The following PCDHA2 variants were observed in gnomAD, a reference collection of about 807,000 sequenced individuals.
PCDHA2 encodes the protein protocadherin alpha 2, also known as protocadherin alpha-2.
A neutral mutation model predicts 66.0 loss-of-function variants in PCDHA2; 58 were observed. The ratio of observed to expected loss-of-function variants is 0.88; its 90% confidence interval spans 0.71 to 1.09. PCDHA2 has a LOEUF of 1.09. PCDHA2 is among the 50% of genes least tolerant of loss of function. PCDHA2 has a pLI of 0.00. For missense variants in PCDHA2, 1,267 were observed against 1,242.3 expected (o/e 1.02, Z -0.30); for synonymous variants, 634 against 554.0 (o/e 1.14, Z -2.03).
At chr5:140,998,156 C>T (rs782675490) in intron 3 of PCDHA2, among the ~76,000 whole-genome samples, 3 of 152,178 alleles carry the variant, frequency 2.0e-5, no homozygotes, top group Non-Finnish European at 4.4e-5. Context: ...ACAGTTAAGC[C>T]ATGTGCCAAG....
At chr5:140,946,477 T>C (rs1223421073) in intron 1 of PCDHA2, among the ~76,000 whole-genome samples, 2 of 151,720 alleles carry the variant, frequency 1.3e-5, no homozygotes, top group Non-Finnish European at 2.9e-5. Flanking sequence ...ACTGGGTATA[T>C]ATCCAAAGGA....
chr5:140,893,106 C>T (rs1226663436), intron 1 of PCDHA2, among the ~76,000 whole-genome samples: 3 of 152,170 alleles, frequency 2.0e-5, no homozygotes, highest in African/African-American at 4.8e-5. Flanking sequence ...GATAATATTC[C>T]GTTGTGCATA....
intron 1 of PCDHA2, chr5:140,801,842 T>G: frequency 6.2e-7 from 1 of 1,614,054 alleles, no homozygotes; most frequent in Non-Finnish European, 8.5e-7. Flanking sequence ...TAACAGCAAT[T>G]GATGGTGGGA....
chr5:140,870,974 G>C, intron 1 of PCDHA2: 5 of 1,613,628 alleles, frequency 3.1e-6, no homozygotes, highest in Non-Finnish European at 4.2e-6. Context: ...TTCCGCGTGG[G>C]GCTGTACACG....
At chr5:140,985,348 A>G (rs1197077354) in intron 3 of PCDHA2, among the ~76,000 whole-genome samples, 2 of 152,190 alleles carry the variant, frequency 1.3e-5, no homozygotes, top group Non-Finnish European at 2.9e-5. Context: ...AGGCCCAGAT[A>G]TAGACCCTCT....
At chr5:140,959,602 CT>C (rs1554224184) in intron 1 of PCDHA2, among the ~76,000 whole-genome samples, 1 of 152,008 alleles carries the variant, frequency 6.6e-6, no homozygotes, top group Admixed American at 6.6e-5. Flanking sequence ...GTATAACATG[CT>C]TTTCTTGCTT....
chr5:140,875,738 G>T lies in PCDHA2; in HGVS notation c.2388+78386G>T, dbSNP rs1197047985. 12 of 1,614,086 alleles carry T rather than the reference G, an allele frequency of 7.4e-6. No homozygotes were observed. The highest frequency in any genetic ancestry group is 3.3e-5 in the Admixed American group (2 of 60,008). ...AATGGCATTTTGTTTGTGAATTCTC[G>T]GATCGACCGCGAGAAGCTGTGCGGG... On this transcript the variant is annotated intron_variant, in intron 1 of 3. Coordinates refer to ENST00000526136, the MANE Select transcript of PCDHA2 (RefSeq NM_018905.3).
Position 140,796,505 on chromosome 5 carries a change from G to A in PCDHA2, c.1541G>A (p.Ser514Asn), listed in dbSNP as rs1332531928. The change falls in exon 1 of 4, where the codon AGC becomes AAC. Residue 514 changes from serine to asparagine, a missense_variant. By Grantham distance (46) the Ser-to-Asn change is conservative (BLOSUM62 1). Coordinates refer to ENST00000526136, the MANE Select transcript of PCDHA2 (RefSeq NM_018905.3). Reference protein sequence around the residue: ...LSSYVSVHAESGKVYALQPLD... With the variant: ...LSSYVSVHAENGKVYALQPLD... Reference sequence around the variant, plus strand: ...AGCTACGTTTCGGTGCACGCGGAGAGCGGCAAGGTGTACGCGCTGCAGCCG... The same window carrying A: ...AGCTACGTTTCGGTGCACGCGGAGAACGGCAAGGTGTACGCGCTGCAGCCG... 2 of 1,612,398 alleles carry A rather than the reference G, an allele frequency of 1.2e-6. No homozygotes were observed. The highest frequency in any genetic ancestry group is 1.7e-6 in the Non-Finnish European group (2 of 1,179,840).
chr5:140,885,213 AT>A (rs1364699535), intron 1 of PCDHA2, among the ~76,000 whole-genome samples: 44 of 152,178 alleles, frequency 2.9e-4, no homozygotes, highest in African/African-American at 1.0e-3. Context: ...CCCATGAAAA[AT>A]ATCTTGTGAT....
intron 1 of PCDHA2, among the ~76,000 whole-genome samples, chr5:140,831,468 T>C (rs1272624031): frequency 7.9e-6 from 1 of 126,066 alleles, no homozygotes; most frequent in African/African-American, 3.3e-5. Flanking sequence ...CAAGTGATTC[T>C]CTCACCTCAG....
At chr5:140,807,306 A>G (rs782721399) in intron 1 of PCDHA2, 2 of 1,614,120 alleles carry the variant, frequency 1.2e-6, no homozygotes, top group Admixed American at 1.7e-5. Context: ...GAGGAGGCCA[A>G]ACACGGCACC....
rs2150283763 is a variant in PCDHA2, at chr5:140,838,077, AGTGTGTGTGTGT to A, written c.2388+40768_2388+40779del. On this transcript the variant is annotated intron_variant, in intron 1 of 3. Coordinates refer to ENST00000526136, the MANE Select transcript of PCDHA2 (RefSeq NM_018905.3). ...TTTCCACTTTAAGTTATATATATAT[AGTGTGTGTGTGT>A]GTGTGTGTGTGTGTGTGTGTGTGTG... Among the ~76,000 whole-genome samples, 482 of 80,690 alleles carry A rather than the reference AGTGTGTGTGTGT, an allele frequency of 6.0e-3. 2 individuals are homozygous for A. Among genetic ancestry groups the A allele is most frequent in the East Asian group, 0.019 (58 of 3,058 alleles). 52.9% of individuals were successfully genotyped at this position (80,690 alleles called of 152,430 possible).
chr5:140,863,248 G>C (rs782700291), intron 1 of PCDHA2: 8 of 1,396,066 alleles, frequency 5.7e-6, no homozygotes, highest in Middle Eastern at 1.9e-4. Context: ...TTTGGCGGGC[G>C]TCGAGGTCCG....
rs547015879 is a variant in PCDHA2 at position 140,902,341 on chromosome 5, G to A, written c.2389-76608G>A. 1.8e-3 allele frequency among the ~76,000 whole-genome samples: 276 copies of A among 151,446 alleles called. 1 individual carries two copies. The highest frequency in any genetic ancestry group is 3.7e-3 in the Non-Finnish European group (250 of 67,812). The stretch of plus-strand genomic sequence containing the variant: ...GTGTAACTCACTTCGCCTGGCCTAG[G>A]AAGCCCTTTATTTCTTTCTCTTGTC... On this transcript the variant is annotated intron_variant, in intron 1 of 3. Transcript: ENST00000526136.
intron 1 of PCDHA2, chr5:140,884,619 A>G (rs782146160): frequency 3.1e-6 from 5 of 1,614,074 alleles, no homozygotes; most frequent in Non-Finnish European, 4.2e-6. Context: ...GGTTCTGCAG[A>G]GGGAACAGGC....
intron 1 of PCDHA2, chr5:140,863,320 CT>C: frequency 6.9e-7 from 1 of 1,445,292 alleles, no homozygotes; most frequent in South Asian, 1.1e-5. Flanking sequence ...GGTGTCCAGC[CT>C]GTTAGTGCTC....
At chr5:140,849,663 A>T in intron 1 of PCDHA2, 1 of 1,598,672 alleles carries the variant, frequency 6.3e-7, no homozygotes, top group Non-Finnish European at 8.6e-7. Context: ...CTGCTCCCTG[A>T]CGCCCCACGT....
intron 1 of PCDHA2, chr5:140,801,427 T>C (rs782125063): frequency 6.2e-7 from 1 of 1,613,768 alleles, no homozygotes; most frequent in East Asian, 2.2e-5. Context: ...CTTCTGGAGG[T>C]AAATCTGCAG....
intron 3 of PCDHA2, among the ~76,000 whole-genome samples, chr5:140,989,348 G>A (rs1455202093): frequency 6.6e-6 from 1 of 152,196 alleles, no homozygotes; most frequent in African/African-American, 2.4e-5. Context: ...GCTCAAAGGT[G>A]ATAGGTCACC....
Sources: allele counts gnomAD v4.1 joint callset (sites outside exome capture counted in the v4.1 genomes callset), GRCh38; gene constraint gnomAD v4.1.1; transcripts MANE v1.5; gene names NCBI Gene and HGNC (gene_info 2026-07-23, HGNC 2026-07-21).